KIAA1217: variants seen among roughly 807,000 people sequenced by gnomAD.
The protein encoded by KIAA1217 is KIAA1217.
A neutral mutation model predicts 163.9 loss-of-function variants in KIAA1217; 88 were observed. The observed-to-expected ratio is 0.54, with a 90% CI of 0.45 to 0.64. The LOEUF is 0.64. Among genes scored for constraint, KIAA1217 ranks in the 30% least tolerant of loss-of-function variants. The probability of loss-of-function intolerance (pLI) is 0.00; values close to 1 mark genes in which losing one functional copy is unlikely to be tolerated. For missense variants in KIAA1217, 2,372 were observed against 2,475.0 expected (o/e 0.96, Z 0.88); for synonymous variants, 903 against 923.1 (o/e 0.98, Z 0.39).
chr10:23,869,124 G>GTTTTTTTTTTTTTTT lies in KIAA1217; in HGVS notation c.-320-138085_-320-138071dup, dbSNP rs58288361. 6.3e-4 allele frequency among the ~76,000 whole-genome samples: 20 copies of GTTTTTTTTTTTTTTT among 31,724 alleles called. 6 individuals carry two copies. The highest frequency in any genetic ancestry group is 2.3e-3 in the African/African-American group (19 of 8,288). 20.8% of individuals were successfully genotyped at this position (31,724 alleles called of 152,430 possible). A position where few individuals can be genotyped will look rare whatever the true frequency, so the allele number is the denominator to read the frequency against. On this transcript the variant is annotated intron_variant, in intron 1 of 18. Coordinates refer to the KIAA1217 transcript ENST00000376462. ...GTGTAACGTGCAATCATGAAATGTA[G>GTTTTTTTTTTTTTTT]TTTTTTTTTTTTTTTTTTTTTTTTT...
intron 2 of KIAA1217, among the ~76,000 whole-genome samples, chr10:24,314,519 T>A (rs755981548): frequency 5.9e-5 from 9 of 152,230 alleles, no homozygotes; most frequent in Non-Finnish European, 1.0e-4. Context: ...ATGTTATAAC[T>A]GTAGAAAACA....
At chr10:24,449,751 A>T in intron 5 of KIAA1217, 1 of 985,294 alleles carries the variant, frequency 1.0e-6, no homozygotes, top group African/African-American at 1.7e-5. Flanking sequence ...AGAAAGGCTC[A>T]CGGAAAATGT....
At chr10:24,295,107 C>A (rs7921661) in intron 2 of KIAA1217, among the ~76,000 whole-genome samples, 9,495 of 152,222 alleles carry the variant, frequency 0.062, 428 homozygotes, top group East Asian at 0.23. Flanking sequence ...GAGGCTAAGA[C>A]CTCCTCTTCT....
At chr10:23,793,000 G>T (rs1488354834) in intron 1 of KIAA1217, among the ~76,000 whole-genome samples, 1 of 149,688 alleles carries the variant, frequency 6.7e-6, no homozygotes, top group Non-Finnish European at 1.5e-5. Flanking sequence ...ACACCAGTGG[G>T]TTGAATGATT....
chr10:24,090,164 CTTTTTTTTTTTT>C (rs1162687231), intron 2 of KIAA1217, among the ~76,000 whole-genome samples: 4 of 109,238 alleles, frequency 3.7e-5, no homozygotes, highest in Admixed American at 2.0e-4. Context: ...TTTTCTTTTT[CTTTTTTTTTTTT>C]TTTTTTTTGA....
chr10:23,999,100 A>G (rs1196006200), intron 1 of KIAA1217, among the ~76,000 whole-genome samples: 2 of 152,224 alleles, frequency 1.3e-5, no homozygotes, highest in African/African-American at 2.4e-5. Flanking sequence ...ACTGTTACAC[A>G]ATTTATAAGA....
chr10:24,202,463 C>T (rs953985819), intron 2 of KIAA1217, among the ~76,000 whole-genome samples: 11 of 152,130 alleles, frequency 7.2e-5, no homozygotes, highest in African/African-American at 2.7e-4. Context: ...CAGGCTTCTC[C>T]TTCTCCTGCA....
At chr10:24,130,484 T>C (rs7911785) in intron 2 of KIAA1217, among the ~76,000 whole-genome samples, 102,454 of 152,018 alleles carry the variant, frequency 0.67, 34,843 homozygotes, top group South Asian at 0.76. Context: ...TTGCATAATC[T>C]GTATCAAAGC....
At chr10:24,526,576 G>A (rs2072223985) in intron 13 of KIAA1217, among the ~76,000 whole-genome samples, 1 of 152,180 alleles carries the variant, frequency 6.6e-6, no homozygotes, top group Non-Finnish European at 1.5e-5. Flanking sequence ...TACGCTTTGA[G>A]AGGAGACACG....
chr10:24,502,137 C>T (rs2067712747), intron 9 of KIAA1217, among the ~76,000 whole-genome samples: 1 of 151,684 alleles, frequency 6.6e-6, no homozygotes, highest in Non-Finnish European at 1.5e-5. Context: ...AGGAGAGGGG[C>T]CACGGGGAGC....
chr10:24,536,351 G>A lies in KIAA1217; in HGVS notation c.3415-423G>A, dbSNP rs142682321. ...ATTGTAAGACTTAAAGGTTTAAAAC[G>A]TCTTGTGAGCTTTTGCTGTATAATT... On this transcript the variant is annotated intron_variant, in intron 16 of 20. Coordinates refer to ENST00000376454, the MANE Select transcript of KIAA1217 (RefSeq NM_019590.5). Among the ~76,000 whole-genome samples, 560 of 152,184 alleles carry A rather than the reference G, an allele frequency of 3.7e-3. 3 individuals carry two copies. The highest frequency in any genetic ancestry group is 6.8e-3 in the Non-Finnish European group (465 of 68,004).
chr10:24,363,307 G>A lies in KIAA1217; in HGVS notation c.355-17562G>A, dbSNP rs76763366. ...TCTCAGACTCATCAGCATTAGGAAA[G>A]AAACTCTGAACCCCTTTCCCTTCCT... is the stretch of plus-strand genomic sequence containing the variant. On this transcript the variant is annotated intron_variant, in intron 2 of 20. Coordinates refer to ENST00000376454, the MANE Select transcript of KIAA1217 (RefSeq NM_019590.5). Among the ~76,000 whole-genome samples the A allele has an allele frequency of 3.7e-3, 570 of 152,196 alleles. 4 individuals carry two copies. The highest frequency in any genetic ancestry group is 0.013 in the African/African-American group (543 of 41,526).
chr10:23,853,268 T>C (rs925409029), intron 1 of KIAA1217, among the ~76,000 whole-genome samples: 1 of 152,248 alleles, frequency 6.6e-6, no homozygotes, highest in African/African-American at 2.4e-5. Flanking sequence ...TCTATTGAGA[T>C]AATCATGCGG....
At chr10:23,997,994 T>A (rs188919256) in intron 1 of KIAA1217, among the ~76,000 whole-genome samples, 1 of 142,568 alleles carries the variant, frequency 7.0e-6, no homozygotes, top group African/African-American at 2.5e-5. Context: ...TTTTTTTTTT[T>A]CCCCCCAAAA....
intron 3 of KIAA1217, among the ~76,000 whole-genome samples, chr10:24,430,138 A>C (rs963758346): frequency 6.6e-6 from 1 of 152,150 alleles, no homozygotes; most frequent in African/African-American, 2.4e-5. Flanking sequence ...AGAGCAAGGC[A>C]AGACTCAGTC....
At chr10:23,796,565 G>A (rs1288472669) in intron 1 of KIAA1217, among the ~76,000 whole-genome samples, 1 of 152,058 alleles carries the variant, frequency 6.6e-6, no homozygotes, top group Non-Finnish European at 1.5e-5. Context: ...GTTTCACCAT[G>A]TTGGCCAGGA....
chr10:24,059,210 C>A (rs980066419), intron 2 of KIAA1217, among the ~76,000 whole-genome samples: 6 of 152,122 alleles, frequency 3.9e-5, no homozygotes, highest in Non-Finnish European at 1.5e-5. Context: ...ACCATCCTTG[C>A]ACCCTAGGGA....
chr10:24,163,299 G>A (rs577028485), intron 2 of KIAA1217, among the ~76,000 whole-genome samples: 2 of 152,306 alleles, frequency 1.3e-5, no homozygotes, highest in East Asian at 3.9e-4. Context: ...TGTGTCTTTG[G>A]AATGCTGGTT....
At chr10:23,753,175 G>A (rs535396481) in intron 1 of KIAA1217, among the ~76,000 whole-genome samples, 4 of 152,166 alleles carry the variant, frequency 2.6e-5, no homozygotes, top group Non-Finnish European at 5.9e-5. Flanking sequence ...TGCCAAAAAT[G>A]GAGCTGGCAA....
Sources: gnomAD v4.1 joint callset for allele counts (sites outside exome capture counted in the v4.1 genomes callset) on GRCh38, gnomAD v4.1.1 for gene constraint, MANE v1.5 for transcripts, NCBI Gene and HGNC (gene_info 2026-07-23, HGNC 2026-07-21) for gene names.